CCDC6: variants seen among roughly 807,000 people sequenced by gnomAD.
CCDC6 encodes the protein coiled-coil domain-containing protein 6.
Under a neutral mutation model 56.6 loss-of-function variants are expected in CCDC6, and 20 were observed. The observed-to-expected ratio is 0.35, with a 90% CI of 0.25 to 0.51. CCDC6 has a LOEUF of 0.51. Among genes scored for constraint, CCDC6 ranks in the 20% least tolerant of loss-of-function variants. CCDC6 has a pLI of 0.95. For missense variants in CCDC6, 367 were observed against 601.1 expected (o/e 0.61, Z 4.07); for synonymous variants, 241 against 234.4 (o/e 1.03, Z -0.26).
In CCDC6 at chr10:59,793,103, T is replaced by C. The variant is rs750134435; in HGVS notation, c.1239A>G (p.Ser413=). 2 of 1,613,800 alleles carry C rather than the reference T, an allele frequency of 1.2e-6. No individual in the cohort carries two copies. Among genetic ancestry groups the C allele is most frequent in the Non-Finnish European group, 1.7e-6 (2 of 1,179,824 alleles). The change falls in exon 9 of 9, where the codon TCA becomes TCG. Residue 413 remains serine, a synonymous_variant. Transcript: ENST00000263102. ...TGTCAGGACTGTTGCTTCTCCGTGG[T>C]GAAGGCCTCTGCAGAGGGGACAGGA... The part of the protein sequence containing the change: ...MGTSHGITRP[S]PRRSNSPDKF...
At chr10:59,825,960 G>C (rs2070784405) in intron 3 of CCDC6, among the ~76,000 whole-genome samples, 2 of 152,178 alleles carry the variant, frequency 1.3e-5, no homozygotes, top group Admixed American at 1.3e-4. Context: ...ATTTGCTGCA[G>C]CTGTAGATGA....
At chr10:59,815,312 GA>G (rs2070702214) in intron 3 of CCDC6, among the ~76,000 whole-genome samples, 1 of 152,288 alleles carries the variant, frequency 6.6e-6, no homozygotes, top group Non-Finnish European at 1.5e-5. Context: ...AGGATTTAGG[GA>G]AGGAAGAAAA....
At chr10:59,906,018 C>T (rs1379743955) in intron 1 of CCDC6, 104 bp downstream of exon 1, 1 of 1,009,030 alleles carries the variant, frequency 9.9e-7, no homozygotes, top group African/African-American at 1.6e-5. Context: ...CTCAGAGGGT[C>T]CCCGGGAATC....
intron 2 of CCDC6, among the ~76,000 whole-genome samples, chr10:59,833,124 C>T (rs2132644148): frequency 6.6e-6 from 1 of 152,208 alleles, no homozygotes; most frequent in Non-Finnish European, 1.5e-5. Flanking sequence ...GACTGTATGC[C>T]ACAGTTACTA....
chr10:59,900,827 G>A (rs1195329825), intron 1 of CCDC6, among the ~76,000 whole-genome samples: 1 of 152,220 alleles, frequency 6.6e-6, no homozygotes, highest in Non-Finnish European at 1.5e-5. Flanking sequence ...GGGAGGCAGA[G>A]GTGGGTGGAT....
chr10:59,882,107 A>G (rs2071344282), intron 1 of CCDC6, among the ~76,000 whole-genome samples: 1 of 111,816 alleles, frequency 8.9e-6, no homozygotes, highest in Non-Finnish European at 1.9e-5. Context: ...GGGAGAAGGA[A>G]AGGAAAGCCG....
rs2071549955 is a variant in CCDC6 at position 59,906,519 on chromosome 10, G to C, written c.-95C>G. 6 of 1,138,394 alleles carry C rather than the reference G, an allele frequency of 5.3e-6. No homozygotes were observed. The highest frequency in any genetic ancestry group is 7.1e-6 in the Non-Finnish European group (6 of 851,010). The allele number at this position is 1,138,394 out of a possible 1,614,324, so 70.5% of individuals were successfully genotyped here. A position where few individuals can be genotyped will look rare whatever the true frequency, so the allele number is the denominator to read the frequency against. On this transcript the variant is annotated 5_prime_UTR_variant, in exon 1 of 9. Coordinates refer to ENST00000263102, the MANE Select transcript of CCDC6 (RefSeq NM_005436.5). ...TGAGTGGGCGCCGGGCGAGCACAGG[G>C]GAGCGCCGAGCTGAGCGCCTGGCAC...
At position 59,883,849 on chromosome 10, in the gene CCDC6, G is replaced by A. The variant is rs200321542; in HGVS notation, c.303+22273C>T. Among the ~76,000 whole-genome samples the A allele has an allele frequency of 2.0e-5, 3 of 152,164 alleles. No individual in the cohort carries two copies. The East Asian group carries it at 5.8e-4, about 29-fold the overall frequency. On this transcript the variant is annotated intron_variant, in intron 1 of 8. Transcript: ENST00000263102. ...GAAACTCTGTATGCAGTATAAACTG[G>A]ATAAAGTTTAATGTATTGTTGTCAG...
chr10:59,864,970 C>T (rs904161104), intron 1 of CCDC6, among the ~76,000 whole-genome samples: 2 of 152,200 alleles, frequency 1.3e-5, no homozygotes, highest in South Asian at 2.1e-4. Flanking sequence ...TTCACATCAA[C>T]GATTAACTTA....
intron 2 of CCDC6, among the ~76,000 whole-genome samples, chr10:59,834,948 C>T (rs2070869146): frequency 6.6e-6 from 1 of 152,198 alleles, no homozygotes. Context: ...AGTAAGCGTG[C>T]TGTGCTGTCT....
intron 1 of CCDC6, among the ~76,000 whole-genome samples, chr10:59,882,083 AAAGGAAAGCCGGGGGGAG>A (rs2071343624): frequency 8.0e-6 from 1 of 125,114 alleles, no homozygotes; most frequent in African/African-American, 3.0e-5. Context: ...GGGGAGAAGG[AAAGGAAAGCCGGGGGGAG>A]AAGGAAAGGA....
chr10:59,899,399 T>G (rs1193463735), intron 1 of CCDC6, among the ~76,000 whole-genome samples: 1 of 152,242 alleles, frequency 6.6e-6, no homozygotes, highest in Non-Finnish European at 1.5e-5. Flanking sequence ...TTCAGTAGTT[T>G]GGATTAGCAT....
chr10:59,805,246 C>G (rs979253464), intron 6 of CCDC6: 1 of 152,304 alleles, frequency 6.6e-6, no homozygotes, highest in Non-Finnish European at 1.5e-5. Flanking sequence ...CCATCCTGCA[C>G]GAGCGACCCA....
intron 1 of CCDC6, among the ~76,000 whole-genome samples, chr10:59,857,991 G>C (rs1439031580): frequency 2.0e-5 from 3 of 152,142 alleles, no homozygotes; most frequent in African/African-American, 7.2e-5. Context: ...GTGGGAGATG[G>C]TCAGAATTTA....
chr10:59,818,170 G>A (rs969370155), intron 3 of CCDC6, among the ~76,000 whole-genome samples: 3 of 152,080 alleles, frequency 2.0e-5, no homozygotes, highest in Non-Finnish European at 4.4e-5. Flanking sequence ...GCAGAGTTGG[G>A]GGTAGCTGAT....
At chr10:59,844,838 C>T (rs1032393320) in intron 2 of CCDC6, among the ~76,000 whole-genome samples, 1 of 151,686 alleles carries the variant, frequency 6.6e-6, no homozygotes, top group South Asian at 2.1e-4. Context: ...GCATTTTCTC[C>T]TGAGGAAGAA....
At chr10:59,828,793 G>C (rs1165008577) in intron 3 of CCDC6, among the ~76,000 whole-genome samples, 2 of 152,138 alleles carry the variant, frequency 1.3e-5, no homozygotes, top group African/African-American at 2.4e-5. Flanking sequence ...AGAATAAGAG[G>C]CTGTTGTCCC....
At chr10:59,810,002 G>C (rs1432768959) in intron 5 of CCDC6, among the ~76,000 whole-genome samples, 2 of 152,188 alleles carry the variant, frequency 1.3e-5, no homozygotes, top group Admixed American at 6.5e-5. Flanking sequence ...TTCACAGTTA[G>C]AAAATACCAG....
intron 1 of CCDC6, among the ~76,000 whole-genome samples, chr10:59,858,776 A>C (rs1241645514): frequency 6.6e-6 from 1 of 152,238 alleles, no homozygotes; most frequent in Non-Finnish European, 1.5e-5. Flanking sequence ...AGAGCAATGA[A>C]AAATTGCTAG....
Sources: gnomAD v4.1 joint callset for allele counts (sites outside exome capture counted in the v4.1 genomes callset) on GRCh38, gnomAD v4.1.1 for gene constraint, MANE v1.5 for transcripts, NCBI Gene and HGNC (gene_info 2026-07-23, HGNC 2026-07-21) for gene names.